The following ACOXL variants were observed in gnomAD, a reference collection of about 807,000 sequenced individuals.
ACOXL encodes acyl-CoA oxidase like, also known as acyl-coenzyme A oxidase-like protein.
In ACOXL, 70 loss-of-function variants were observed where a neutral mutation model predicts 71.9. That is an observed-to-expected ratio of 0.97 (90% CI 0.80 to 1.19). ACOXL has a LOEUF of 1.19. Ranked by LOEUF, ACOXL falls within the 50% of genes most tolerant of loss-of-function variation. The pLI, the probability that ACOXL is intolerant of heterozygous loss-of-function variation, is 0.00. For missense variants in ACOXL, 703 were observed against 736.3 expected (o/e 0.95, Z 0.52); for synonymous variants, 253 against 281.6 (o/e 0.90, Z 1.02).
intron 12 of ACOXL, among the ~76,000 whole-genome samples, chr2:110,948,249 T>G (rs1345764404): frequency 6.6e-6 from 1 of 152,238 alleles, no homozygotes; most frequent in East Asian, 1.9e-4. Flanking sequence ...AGCTGCTCTT[T>G]GCTGCTTGGA....
chr2:110,994,873 C>T (rs906516438), intron 13 of ACOXL, among the ~76,000 whole-genome samples: 23 of 152,138 alleles, frequency 1.5e-4, no homozygotes, highest in Non-Finnish European at 3.4e-4. Flanking sequence ...TGTTCCCCAA[C>T]AAAACCTGAG....
chr2:110,994,817 C>T (rs1389608675), intron 13 of ACOXL, among the ~76,000 whole-genome samples: 1 of 152,152 alleles, frequency 6.6e-6, no homozygotes, highest in Admixed American at 6.5e-5. Context: ...TGCTTGCACA[C>T]AGCCCTATCA....
chr2:110,781,557 G>A (rs922329849), intron 2 of ACOXL, among the ~76,000 whole-genome samples: 2 of 151,844 alleles, frequency 1.3e-5, no homozygotes, highest in African/African-American at 4.8e-5. Flanking sequence ...CAGGAGAATC[G>A]CTTCACCCTG....
At chr2:110,871,103 C>T (rs978141669) in intron 10 of ACOXL, among the ~76,000 whole-genome samples, 2 of 152,110 alleles carry the variant, frequency 1.3e-5, no homozygotes, top group African/African-American at 4.8e-5. Flanking sequence ...AATGTGGTAC[C>T]AAGCAGGTAC....
Position 111,031,645 on chromosome 2 carries a change from G to A in ACOXL, c.1300G>A (p.Asp434Asn). ...IYYKVKTKKEDFFHAWNSCLH... is the reference protein window; with the variant it reads ...IYYKVKTKKENFFHAWNSCLH... Reference sequence around the variant, plus strand: ...TGGACAGGTAAAGACCAAGAAGGAGGATTTTTTCCATGCCTGGAACTCGTG... The same window carrying A: ...TGGACAGGTAAAGACCAAGAAGGAGAATTTTTTCCATGCCTGGAACTCGTG... Residue 434 changes from aspartate to asparagine, a missense_variant, in exon 15 of 18, where the codon GAT becomes AAT. Transcript: ENST00000439055. The A allele has an allele frequency of 6.2e-7, 1 of 1,614,166 alleles. No individual in the cohort carries two copies. Among genetic ancestry groups the A allele is most frequent in the South Asian group, 1.1e-5 (1 of 91,088 alleles).
In ACOXL at chr2:111,087,503, T is replaced by C. The variant is rs558352451; in HGVS notation, c.1441-5362T>C. Among the ~76,000 whole-genome samples, 11 of 152,228 alleles carry C rather than the reference T, an allele frequency of 7.2e-5. No individual in the cohort carries two copies. The South Asian group carries it at 2.3e-3, about 32-fold the overall frequency. ...GAGCCCAGAAATAATGCTGCACACC[T>C]ACAATGCAGCACACCATCTGATCTT... is the stretch of plus-strand genomic sequence containing the variant. On this transcript the variant is annotated intron_variant, in intron 16 of 17. Coordinates refer to ENST00000439055, the MANE Select transcript of ACOXL (RefSeq NM_001142807.4).
At chr2:110,806,074 G>A (rs1289542233) in intron 9 of ACOXL, among the ~76,000 whole-genome samples, 1 of 152,258 alleles carries the variant, frequency 6.6e-6, no homozygotes, top group Non-Finnish European at 1.5e-5. Flanking sequence ...TACATCTGGG[G>A]CTTGAGTCCA....
At chr2:110,753,200 T>G (rs1038433879) in intron 1 of ACOXL, among the ~76,000 whole-genome samples, 5 of 152,170 alleles carry the variant, frequency 3.3e-5, no homozygotes, top group African/African-American at 9.7e-5. Context: ...GCTCCCCTTT[T>G]GCCTTCTACT....
chr2:110,806,307 G>T (rs576293097), intron 9 of ACOXL, among the ~76,000 whole-genome samples: 1 of 152,218 alleles, frequency 6.6e-6, no homozygotes, highest in Non-Finnish European at 1.5e-5. Context: ...GTGCCCGCCC[G>T]TGCACCCCAG....
intron 11 of ACOXL, among the ~76,000 whole-genome samples, chr2:110,924,759 A>T (rs892317684): frequency 1.6e-5 from 2 of 125,076 alleles, no homozygotes; most frequent in African/African-American, 5.3e-5. Context: ...CTGAACTGCT[A>T]ATGTTGGTAT....
chr2:110,863,031 A>G (rs1694148766), intron 10 of ACOXL, among the ~76,000 whole-genome samples: 1 of 152,186 alleles, frequency 6.6e-6, no homozygotes, highest in Admixed American at 6.5e-5. Context: ...GAGTTTGCAA[A>G]TTTCTGATTT....
intron 12 of ACOXL, among the ~76,000 whole-genome samples, chr2:110,968,906 G>A (rs1394778415): frequency 1.3e-5 from 2 of 152,072 alleles, no homozygotes; most frequent in African/African-American, 2.4e-5. Context: ...CTTCAAGATG[G>A]ACTGTATCCT....
chr2:110,885,661 T>C (rs1668831747), intron 10 of ACOXL, among the ~76,000 whole-genome samples: 1 of 152,220 alleles, frequency 6.6e-6, no homozygotes, highest in South Asian at 2.1e-4. Flanking sequence ...ACATTGTGTA[T>C]GTACATAAAA....
intron 16 of ACOXL, among the ~76,000 whole-genome samples, chr2:111,060,403 C>A (rs1375810510): frequency 1.3e-5 from 2 of 152,138 alleles, no homozygotes; most frequent in Admixed American, 1.3e-4. Flanking sequence ...CCTTCCCAAC[C>A]AGAGTGGGAT....
intron 12 of ACOXL, among the ~76,000 whole-genome samples, chr2:110,984,688 T>G (rs978796276): frequency 2.0e-5 from 3 of 152,228 alleles, no homozygotes; most frequent in Admixed American, 6.5e-5. Flanking sequence ...TAGAGTGAGT[T>G]AGTTCTACCC....
chr2:110,963,517 T>C, intron 12 of ACOXL: 1 of 1,357,136 alleles, frequency 7.4e-7, no homozygotes, highest in Non-Finnish European at 9.6e-7. Context: ...ATTTTTTAAT[T>C]TTAAAGAAAA....
intron 15 of ACOXL, among the ~76,000 whole-genome samples, chr2:111,034,259 C>T (rs763721908): frequency 5.3e-5 from 8 of 152,212 alleles, no homozygotes; most frequent in African/African-American, 9.6e-5. Context: ...GCATCTGGCT[C>T]TTTGTTAATG....
intron 16 of ACOXL, among the ~76,000 whole-genome samples, chr2:111,054,930 G>A (rs2066460652): frequency 6.6e-6 from 1 of 152,176 alleles, no homozygotes. Flanking sequence ...TGTGCATGGA[G>A]GAGAAAGGGA....
rs187317775 is a variant in ACOXL at position 111,056,517 on chromosome 2, G to A, written c.1440+7229G>A. Among the ~76,000 whole-genome samples the A allele has an allele frequency of 3.3e-3, 495 of 152,058 alleles. 4 individuals are homozygous for A. Among genetic ancestry groups the A allele is most frequent in the African/African-American group, 0.011 (469 of 41,474 alleles). On this transcript the variant is annotated intron_variant, in intron 16 of 17. Transcript: ENST00000439055. Reference sequence around the variant, plus strand: ...ATATATATATATTTAGGCCAGGCATGGTGGCTCACGCCTGTAATCCCAGCA... The same window carrying A: ...ATATATATATATTTAGGCCAGGCATAGTGGCTCACGCCTGTAATCCCAGCA...
Sources: gnomAD v4.1 joint callset for allele counts (sites outside exome capture counted in the v4.1 genomes callset) on GRCh38, gnomAD v4.1.1 for gene constraint, MANE v1.5 for transcripts, NCBI Gene and HGNC (gene_info 2026-07-23, HGNC 2026-07-21) for gene names.